The following PFKFB1 variants were observed in gnomAD, a reference collection of about 807,000 sequenced individuals.
The protein encoded by PFKFB1 is 6-phosphofructo-2-kinase/fructose-2,6-bisphosphatase 1.
Under a neutral mutation model 46.4 loss-of-function variants are expected in PFKFB1, and 34 were observed. The ratio of observed to expected loss-of-function variants is 0.73; its 90% CI spans 0.56 to 0.98. The LOEUF is 0.98. PFKFB1 is among the 50% of genes least tolerant of loss of function. The pLI, the probability that PFKFB1 is intolerant of heterozygous loss-of-function variation, is 0.00. For synonymous variants in PFKFB1, 119 were observed against 133.8 expected (o/e 0.89, Z 0.76); for missense variants, 393 against 376.3 (o/e 1.04, Z -0.37).
At chrX:54,985,479 A>ACTAT (rs1196955334) in intron 1 of PFKFB1, among the ~76,000 whole-genome samples, 1 of 111,523 alleles carries the variant, frequency 9.0e-6, no homozygotes, top group African/African-American at 3.3e-5. Context: ...CACTCCAAGA[A>ACTAT]GCAACACTGA....
chrX:54,962,477 T>A (rs1934343785), intron 2 of PFKFB1, among the ~76,000 whole-genome samples: 1 of 112,296 alleles, frequency 8.9e-6, no homozygotes, highest in Admixed American at 9.4e-5. Flanking sequence ...CTCAACCAGT[T>A]TTGTATCCCC....
At chrX:54,998,341 G>A (rs1935385811), upstream of PFKFB1, 2 of 1,001,130 alleles carry the variant, frequency 2.0e-6, no homozygotes, top group South Asian at 4.1e-5. Flanking sequence ...AAACTTTCCA[G>A]AGGGCCTGAA....
chrX:54,948,857 A>C (rs896370230), intron 9 of PFKFB1, among the ~76,000 whole-genome samples: 4 of 111,850 alleles, frequency 3.6e-5, no homozygotes, highest in Non-Finnish European at 7.5e-5. Context: ...GTAATGTCCT[A>C]TTTACTGTCT....
chrX:54,936,215 C>T (rs1482341728), intron 11 of PFKFB1, among the ~76,000 whole-genome samples: 5 of 111,190 alleles, frequency 4.5e-5, no homozygotes, highest in South Asian at 7.7e-4. Context: ...GACCTTGGCC[C>T]GGGCTCTTCT....
intron 9 of PFKFB1, among the ~76,000 whole-genome samples, chrX:54,946,282 G>A (rs924969230): frequency 7.2e-5 from 8 of 111,389 alleles, no homozygotes; most frequent in African/African-American, 2.6e-4. Context: ...GGATTTGGGG[G>A]AGATACACTC....
chrX:54,998,306 C>T (rs975183280), upstream of PFKFB1: 7 of 678,551 alleles, frequency 1.0e-5, no homozygotes, highest in South Asian at 7.1e-5. Flanking sequence ...TTAATGCACA[C>T]GACAACCAAC....
At chrX:54,970,031 T>G (rs1934599791) in intron 1 of PFKFB1, among the ~76,000 whole-genome samples, 1 of 111,310 alleles carries the variant, frequency 9.0e-6, no homozygotes, top group Non-Finnish European at 1.9e-5. Flanking sequence ...GACTCAGCCT[T>G]CATAGTAGCT....
At chrX:54,964,817 G>C (rs1351588734) in intron 1 of PFKFB1, among the ~76,000 whole-genome samples, 2 of 111,406 alleles carry the variant, frequency 1.8e-5, no homozygotes, top group Admixed American at 1.9e-4. Context: ...AGATCAGATA[G>C]GTAATTTCGG....
chrX:54,957,102 T>C (rs1934170513), intron 6 of PFKFB1, among the ~76,000 whole-genome samples: 1 of 111,679 alleles, frequency 9.0e-6, no homozygotes, highest in South Asian at 3.8e-4. Context: ...GGGCCCCAAA[T>C]TATTTCTTCA....
intron 6 of PFKFB1, among the ~76,000 whole-genome samples, chrX:54,957,873 A>T (rs1322984260): frequency 9.0e-6 from 1 of 111,290 alleles, no homozygotes; most frequent in Non-Finnish European, 1.9e-5. Flanking sequence ...GAGCAGTGAT[A>T]GTTCTGGTAT....
intron 1 of PFKFB1, among the ~76,000 whole-genome samples, chrX:54,973,563 G>T (rs1602214135): frequency 9.0e-6 from 1 of 111,386 alleles, no homozygotes; most frequent in African/African-American, 3.3e-5. Flanking sequence ...TGGTTTCAAA[G>T]AACATCTTTA....
At position 54,994,008 on chromosome X, in the gene PFKFB1, C is replaced by T. The variant is rs776849018; in HGVS notation, c.-1G>A. ...TGAGCTCTCCCATCTCTGGAGACAT[C>T]TTAGGAGTCGCACCGAATGACATCA... On this transcript the variant is annotated 5_prime_UTR_variant, in exon 1 of 14. Coordinates refer to ENST00000375006, the MANE Select transcript of PFKFB1 (RefSeq NM_002625.4). The T allele has an allele frequency of 1.2e-5, 14 of 1,198,189 alleles. No individual in the cohort carries two copies. Among genetic ancestry groups the T allele is most frequent in the South Asian group, 1.8e-5 (1 of 54,537 alleles).
intron 1 of PFKFB1, among the ~76,000 whole-genome samples, chrX:54,992,922 C>T (rs1232972207): frequency 9.0e-6 from 1 of 111,630 alleles, no homozygotes; most frequent in Non-Finnish European, 1.9e-5. Flanking sequence ...CACCCACACC[C>T]TACCTCCTGT....
chrX:54,955,838 T>C (rs749088440), intron 7 of PFKFB1, among the ~76,000 whole-genome samples: 3 of 112,477 alleles, frequency 2.7e-5, no homozygotes, highest in African/African-American at 9.7e-5. Flanking sequence ...GTTTGGAAAC[T>C]GAAGTGTCAT....
chrX:54,939,017 G>T (rs1019390620), intron 10 of PFKFB1, among the ~76,000 whole-genome samples: 2 of 111,591 alleles, frequency 1.8e-5, no homozygotes, highest in Non-Finnish European at 3.8e-5. Context: ...AAATGTAAAA[G>T]AACAGAAATT....
chrX:54,944,305 C>A (rs1933740142), intron 10 of PFKFB1, among the ~76,000 whole-genome samples: 1 of 110,574 alleles, frequency 9.0e-6, no homozygotes, highest in East Asian at 2.8e-4. Flanking sequence ...TTTATCAATC[C>A]TAAAGAGGGC....
At chrX:54,937,145 G>A (rs1933431156) in intron 11 of PFKFB1, among the ~76,000 whole-genome samples, 1 of 111,552 alleles carries the variant, frequency 9.0e-6, no homozygotes, top group Admixed American at 9.6e-5. Flanking sequence ...AGCAAGGACA[G>A]AAACTTGTAA....
intron 13 of PFKFB1, 21 bp downstream of exon 13, chrX:54,933,800 G>A (rs778818360): frequency 1.7e-6 from 2 of 1,190,223 alleles, no homozygotes; most frequent in African/African-American, 3.5e-5. Flanking sequence ...GCCAGCTTGG[G>A]CCATGGAGTC....
chrX:54,950,407 T>C (rs1040674834), intron 8 of PFKFB1, among the ~76,000 whole-genome samples: 3 of 111,515 alleles, frequency 2.7e-5, no homozygotes, highest in Admixed American at 1.9e-4. Context: ...GCACTTTAGA[T>C]AGTGGATGGG....
Sources: gnomAD v4.1 joint callset for allele counts (sites outside exome capture counted in the v4.1 genomes callset) on GRCh38, gnomAD v4.1.1 for gene constraint, MANE v1.5 for transcripts, NCBI Gene and HGNC (gene_info 2026-07-23, HGNC 2026-07-21) for gene names.